Variants in CACNA2D2 observed in about 807,000 individuals in gnomAD.
The protein encoded by CACNA2D2 is voltage-dependent calcium channel subunit alpha-2/delta-2.
CACNA2D2 carries 48 observed loss-of-function variants against 166.4 expected under a neutral mutation model. The ratio of observed to expected loss-of-function variants is 0.29; its 90% CI spans 0.23 to 0.37. CACNA2D2 has a LOEUF of 0.37. Among genes scored for constraint, CACNA2D2 ranks in the 10% least tolerant of loss-of-function variants. The pLI is 1.00. For missense variants in CACNA2D2, 1,122 were observed against 1,433.0 expected (o/e 0.78, Z 3.50); for synonymous variants, 561 against 573.7 (o/e 0.98, Z 0.32).
At chr3:50,449,896 G>A (rs1450551392) in intron 2 of CACNA2D2, among the ~76,000 whole-genome samples, 1 of 152,194 alleles carries the variant, frequency 6.6e-6, no homozygotes, top group African/African-American at 2.4e-5. Flanking sequence ...CCATGAAGTG[G>A]AGCTGCTTCT....
chr3:50,397,088 C>T (rs563618092), intron 3 of CACNA2D2, among the ~76,000 whole-genome samples: 1 of 152,284 alleles, frequency 6.6e-6, no homozygotes, highest in South Asian at 2.1e-4. Flanking sequence ...GGGCTACAGG[C>T]CCCTCTGGCT....
intron 1 of CACNA2D2, among the ~76,000 whole-genome samples, chr3:50,493,670 T>C (rs1212871505): frequency 6.6e-6 from 1 of 152,194 alleles, no homozygotes; most frequent in Non-Finnish European, 1.5e-5. Context: ...AGCCTCTTGT[T>C]GGCAGCCAAA....
At chr3:50,450,584 T>TTCAGCGCCAAA (rs1709049085) in intron 2 of CACNA2D2, among the ~76,000 whole-genome samples, 1 of 152,182 alleles carries the variant, frequency 6.6e-6, no homozygotes, top group South Asian at 2.1e-4. Flanking sequence ...GGAGGTGACA[T>TTCAGCGCCAAA]TCAGCGCCAA....
chr3:50,480,133 A>T (rs970905684), intron 1 of CACNA2D2, among the ~76,000 whole-genome samples: 3 of 152,116 alleles, frequency 2.0e-5, no homozygotes, highest in Admixed American at 6.5e-5. Flanking sequence ...CCTGGTAAGG[A>T]TGGGTACAGG....
chr3:50,400,066 G>A (rs1706365637), intron 3 of CACNA2D2, among the ~76,000 whole-genome samples: 1 of 152,230 alleles, frequency 6.6e-6, no homozygotes, highest in Non-Finnish European at 1.5e-5. Context: ...ATTGTGCACA[G>A]ATAGATACTA....
chr3:50,468,668 T>C (rs1709937563), intron 2 of CACNA2D2, among the ~76,000 whole-genome samples: 1 of 151,996 alleles, frequency 6.6e-6, no homozygotes, highest in Non-Finnish European at 1.5e-5. Flanking sequence ...CCAGAGATCC[T>C]GAGAGATTCC....
intron 3 of CACNA2D2, among the ~76,000 whole-genome samples, chr3:50,395,468 C>T (rs1706104561): frequency 6.6e-6 from 1 of 152,158 alleles, no homozygotes; most frequent in African/African-American, 2.4e-5. Context: ...CTCTCACCCC[C>T]ACCCCACCCT....
intron 22 of CACNA2D2, among the ~76,000 whole-genome samples, chr3:50,371,529 T>A (rs1559880860): frequency 1.3e-5 from 2 of 152,166 alleles, no homozygotes; most frequent in Non-Finnish European, 2.9e-5. Context: ...CTGTGGGTGG[T>A]CCACCTTCTT....
intron 3 of CACNA2D2, among the ~76,000 whole-genome samples, chr3:50,394,701 T>A (rs1706060045): frequency 6.6e-6 from 1 of 152,230 alleles, no homozygotes; most frequent in South Asian, 2.1e-4. Flanking sequence ...TCCTGTTCTT[T>A]GGGGCTGGTT....
At chr3:50,430,263 G>C (rs1708007665) in intron 3 of CACNA2D2, among the ~76,000 whole-genome samples, 1 of 152,234 alleles carries the variant, frequency 6.6e-6, no homozygotes, top group South Asian at 2.1e-4. Context: ...CCCTGGCTGT[G>C]TCTCTGAGAG....
intron 6 of CACNA2D2, among the ~76,000 whole-genome samples, chr3:50,381,739 C>T (rs1288241683): frequency 6.7e-6 from 1 of 149,220 alleles, no homozygotes; most frequent in Non-Finnish European, 1.5e-5. Context: ...ACACTGCACA[C>T]CCCCCAACAG....
At chr3:50,432,854 C>T (rs1708136629) in intron 3 of CACNA2D2, among the ~76,000 whole-genome samples, 1 of 152,228 alleles carries the variant, frequency 6.6e-6, no homozygotes, top group South Asian at 2.1e-4. Flanking sequence ...CAGGGCCCAG[C>T]TCCTGGAGAA....
At chr3:50,388,822 G>C (rs1705737458) in intron 4 of CACNA2D2, among the ~76,000 whole-genome samples, 1 of 152,232 alleles carries the variant, frequency 6.6e-6, no homozygotes, top group South Asian at 2.1e-4. Context: ...TCTCACCAGG[G>C]GTCTAGGGGC....
chr3:50,377,586 T>C (rs747515483), intron 16 of CACNA2D2, 45 bp from the exon 17 acceptor site: 3 of 1,597,854 alleles, frequency 1.9e-6, no homozygotes, highest in Non-Finnish European at 2.6e-6. Context: ...CTCAATTCCA[T>C]GGGGAACCAC....
intron 3 of CACNA2D2, among the ~76,000 whole-genome samples, chr3:50,399,876 G>A (rs751949735): frequency 2.6e-5 from 4 of 152,146 alleles, no homozygotes; most frequent in Non-Finnish European, 5.9e-5. Context: ...CTAGGAGAGA[G>A]GATCAGTAAC....
At chr3:50,469,712 C>T (rs1709984739) in intron 2 of CACNA2D2, among the ~76,000 whole-genome samples, 1 of 152,192 alleles carries the variant, frequency 6.6e-6, no homozygotes, top group South Asian at 2.1e-4. Context: ...CCGGGTCCCA[C>T]AGTGCCTGCC....
chr3:50,377,189 T>C (rs58415636), intron 17 of CACNA2D2, among the ~76,000 whole-genome samples: 16,344 of 152,284 alleles, frequency 0.11, 2,034 homozygotes, highest in African/African-American at 0.3. Flanking sequence ...GTTTATGTTT[T>C]GTTTGTGGCT....
At position 50,365,221 on chromosome 3, in the gene CACNA2D2, C is replaced by T; in HGVS notation, c.3099-37G>A. 1 of 1,405,744 alleles carries T rather than the reference C, an allele frequency of 7.1e-7. No homozygotes were observed. Among genetic ancestry groups the T allele is most frequent in the Non-Finnish European group, 9.8e-7 (1 of 1,024,118 alleles). 87.1% of individuals were successfully genotyped at this position (1,405,744 alleles called of 1,614,324 possible). A position where few individuals can be genotyped will look rare whatever the true frequency, so the allele number is the denominator to read the frequency against. On this transcript the variant is annotated intron_variant, in intron 35 of 37. Coordinates refer to ENST00000424201, the MANE Select transcript of CACNA2D2 (RefSeq NM_006030.4). The surrounding 1 kb of genome is among the most constrained non-coding windows in gnomAD (Gnocchi z 4.5). ...CCGGAAAGGCGGGGCGTTGAGTTTGCCCCGCCCTGACCCACCCCCATCCTG... is the reference window on the plus strand; with the variant it reads ...CCGGAAAGGCGGGGCGTTGAGTTTGTCCCGCCCTGACCCACCCCCATCCTG...
Position 50,503,279 on chromosome 3 carries a change from G to C in CACNA2D2, c.145C>G (p.Pro49Ala). The C allele has an allele frequency of 8.6e-7, 1 of 1,163,340 alleles. No individual in the cohort carries two copies. The allele number at this position is 1,163,340 out of a possible 1,614,324, so 72.1% of individuals were successfully genotyped here. ...GPPRPLWLLL[P>A]LLPLLAAPGA... ...GGGGCGGCGAGCAGCGGTAGAAGCGGCAGCAGCAGCCACAGCGGGCGCGGG... is the reference window on the plus strand; with the variant it reads ...GGGGCGGCGAGCAGCGGTAGAAGCGCCAGCAGCAGCCACAGCGGGCGCGGG... Residue 49 changes from proline (P) to alanine (A), a missense_variant, in exon 1 of 38, where the codon CCG becomes GCG. Pro to Ala is a conservative substitution (Grantham distance 27). Coordinates refer to ENST00000424201, the MANE Select transcript of CACNA2D2 (RefSeq NM_006030.4).
Sources: gnomAD v4.1 joint callset for allele counts (sites outside exome capture counted in the v4.1 genomes callset) on GRCh38, gnomAD v4.1.1 for gene constraint, Gnocchi (gnomAD v3.1) non-coding constraint, MANE v1.5 for transcripts, NCBI Gene and HGNC (gene_info 2026-07-23, HGNC 2026-07-21) for gene names.